Variants in SAMD12 observed in about 807,000 individuals in gnomAD.
SAMD12 encodes sterile alpha motif domain-containing protein 12.
SAMD12 carries 9 observed loss-of-function variants against 15.0 expected under a neutral mutation model. The observed-to-expected ratio is 0.60, with a 90% CI of 0.36 to 1.05. The LOEUF (loss-of-function observed/expected upper bound fraction) is 1.05, where lower values mean the gene tolerates loss of function less well. Among genes scored for constraint, SAMD12 ranks in the 50% least tolerant of loss-of-function variants. The pLI is 0.01. For missense variants in SAMD12, 230 were observed against 234.2 expected (o/e 0.98, Z 0.12); for synonymous variants, 86 against 90.1 (o/e 0.96, Z 0.25).
intron 3 of SAMD12, among the ~76,000 whole-genome samples, chr8:118,399,471 T>C (rs189635277): frequency 3.3e-5 from 5 of 152,198 alleles, no homozygotes; most frequent in Admixed American, 2.6e-4. Context: ...CAAGGTCATG[T>C]CTCTCTTCCT....
At chr8:118,411,826 TA>T (rs1821421892) in intron 3 of SAMD12, among the ~76,000 whole-genome samples, 1 of 152,136 alleles carries the variant, frequency 6.6e-6, no homozygotes, top group Admixed American at 6.5e-5. Context: ...TACTCAGCTA[TA>T]AACAGAGGCT....
At chr8:118,593,369 A>C (rs1298921562) in intron 1 of SAMD12, among the ~76,000 whole-genome samples, 2 of 152,182 alleles carry the variant, frequency 1.3e-5, no homozygotes, top group Non-Finnish European at 2.9e-5. Context: ...AAATATCTTG[A>C]ATTTACCAAG....
intron 4 of SAMD12, among the ~76,000 whole-genome samples, chr8:118,309,935 A>G (rs1274762073): frequency 6.6e-6 from 1 of 152,084 alleles, no homozygotes; most frequent in Non-Finnish European, 1.5e-5. Flanking sequence ...CTTTAAACAT[A>G]CTCTCTGGTT....
chr8:118,422,737 G>A (rs771602639), intron 3 of SAMD12, among the ~76,000 whole-genome samples: 1 of 152,184 alleles, frequency 6.6e-6, no homozygotes, highest in Non-Finnish European at 1.5e-5. Context: ...GAGACTAAAT[G>A]GTTCTGTCTG....
At chr8:118,463,166 G>C (rs1010053201) in intron 2 of SAMD12, among the ~76,000 whole-genome samples, 7 of 151,632 alleles carry the variant, frequency 4.6e-5, no homozygotes, top group African/African-American at 1.7e-4. Context: ...TCCTCAACTG[G>C]TGTGGGGAAT....
In SAMD12 at chr8:118,481,045, C is replaced by T. The variant is rs538474078; in HGVS notation, c.193-41084G>A. 3.3e-5 allele frequency among the ~76,000 whole-genome samples: 5 copies of T among 152,286 alleles called. No homozygotes were observed. In the South Asian group the frequency reaches 6.2e-4, roughly 19 times the overall value. On this transcript the variant is annotated intron_variant, in intron 2 of 3. Transcript: ENST00000314727. ...GCATCCTCTGCCTCCTGGGTTCAAGCGATTCTCCTGCCTCAGCCTCCTGAA... is the reference window on the plus strand; with the variant it reads ...GCATCCTCTGCCTCCTGGGTTCAAGTGATTCTCCTGCCTCAGCCTCCTGAA...
chr8:118,304,789 T>TACAC (rs1190473514), intron 4 of SAMD12, among the ~76,000 whole-genome samples: 1 of 142,914 alleles, frequency 7.0e-6, no homozygotes, highest in East Asian at 2.0e-4. Context: ...AATAAATAAA[T>TACAC]AAATAAATAC....
the SAMD12 span, among the ~76,000 whole-genome samples, chr8:118,166,842 C>T: frequency 2.4e-4 from 37 of 152,324 alleles, no homozygotes; most frequent in Non-Finnish European, 4.9e-4. Flanking sequence ...CCTCAGCTTC[C>T]TGCAAAGCCC....
chr8:118,407,313 C>T (rs546253679), intron 3 of SAMD12, among the ~76,000 whole-genome samples: 39 of 150,278 alleles, frequency 2.6e-4, no homozygotes, highest in Non-Finnish European at 4.9e-4. Context: ...TTCTCCACAT[C>T]CTTGTTGACA....
At chr8:118,565,234 T>C (rs992387077) in intron 2 of SAMD12, among the ~76,000 whole-genome samples, 3 of 152,184 alleles carry the variant, frequency 2.0e-5, no homozygotes, top group African/African-American at 7.2e-5. Flanking sequence ...ACGAAATGCA[T>C]TGGACTCCTT....
At chr8:118,380,680 TG>T (rs991705856) in intron 3 of SAMD12, among the ~76,000 whole-genome samples, 5 of 152,184 alleles carry the variant, frequency 3.3e-5, no homozygotes, top group African/African-American at 4.8e-5. Context: ...TTTCCACAGA[TG>T]AAGAAGAGAC....
chr8:118,298,747 C>A (rs1814861230), intron 4 of SAMD12, among the ~76,000 whole-genome samples: 1 of 151,826 alleles, frequency 6.6e-6, no homozygotes, highest in Non-Finnish European at 1.5e-5. Flanking sequence ...TGAATTGTTT[C>A]AATAAATGAA....
intron 4 of SAMD12, among the ~76,000 whole-genome samples, chr8:118,248,744 C>T (rs1471932548): frequency 6.6e-6 from 1 of 152,030 alleles, no homozygotes; most frequent in Admixed American, 6.5e-5. Flanking sequence ...AGAAAGCATT[C>T]TTATAAAAGC....
intron 2 of SAMD12, among the ~76,000 whole-genome samples, chr8:118,464,277 T>C (rs1653624190): frequency 6.6e-6 from 1 of 152,220 alleles, no homozygotes; most frequent in South Asian, 2.1e-4. Context: ...CAAAACAGTG[T>C]AACATGACTG....
intron 2 of SAMD12, among the ~76,000 whole-genome samples, chr8:118,484,217 G>A (rs997664376): frequency 6.6e-6 from 1 of 152,104 alleles, no homozygotes; most frequent in African/African-American, 2.4e-5. Context: ...GTGCTGGCCA[G>A]GTGGAATTCG....
At chr8:118,432,864 C>T (rs1822455893) in intron 3 of SAMD12, among the ~76,000 whole-genome samples, 1 of 152,102 alleles carries the variant, frequency 6.6e-6, no homozygotes. Flanking sequence ...AGCACCACCA[C>T]CACTGACAAC....
rs1169155715 is a variant in SAMD12 at position 118,445,356 on chromosome 8, G to A, written c.193-5395C>T. On this transcript the variant is annotated intron_variant, in intron 2 of 3. Coordinates refer to ENST00000314727, the MANE Select transcript of SAMD12 (RefSeq NM_207506.3). The stretch of plus-strand genomic sequence containing the variant: ...CTTAATCCTTTCATGGAAAGAGGTG[G>A]TTAGAAAATTTTAAAAACATATCTT... Among the ~76,000 whole-genome samples, 3 of 152,234 alleles carry A rather than the reference G, an allele frequency of 2.0e-5. No homozygotes were observed. In the South Asian group the frequency reaches 6.2e-4, roughly 32 times the overall value.
intron 4 of SAMD12, among the ~76,000 whole-genome samples, chr8:118,323,871 T>C (rs1445539046): frequency 2.0e-5 from 3 of 152,144 alleles, no homozygotes; most frequent in Non-Finnish European, 2.9e-5. Context: ...AATACTTGTT[T>C]GCACAGGGGA....
intron 3 of SAMD12, among the ~76,000 whole-genome samples, chr8:118,412,137 T>G (rs1326716140): frequency 3.9e-5 from 6 of 152,180 alleles, no homozygotes; most frequent in Non-Finnish European, 5.9e-5. Context: ...GAAGCAGTAA[T>G]GGGCCGTGAT....
Sources: gnomAD v4.1 joint callset for allele counts (sites outside exome capture counted in the v4.1 genomes callset) on GRCh38, gnomAD v4.1.1 for gene constraint, MANE v1.5 for transcripts, NCBI Gene and HGNC (gene_info 2026-07-23, HGNC 2026-07-21) for gene names.